Variants in GSE1 observed in about 807,000 individuals in gnomAD.
The protein encoded by GSE1 is Gse1 coiled-coil protein.
GSE1 carries 32 observed loss-of-function variants against 112.6 expected under a neutral mutation model. The observed-to-expected ratio is 0.28, with a 90% CI of 0.21 to 0.38. The LOEUF (loss-of-function observed/expected upper bound fraction) is 0.38, where lower values mean the gene tolerates loss of function less well. GSE1 is among the 10% of genes least tolerant of loss of function. GSE1 has a pLI of 1.00. For synonymous variants in GSE1, 1,115 were observed against 735.6 expected (o/e 1.52, Z -8.35); for missense variants, 2,348 against 1,699.2 (o/e 1.38, Z -6.71).
At chr16:85,441,756 G>T (rs184212432) in intron 2 of GSE1, among the ~76,000 whole-genome samples, 1 of 152,204 alleles carries the variant, frequency 6.6e-6, no homozygotes, top group Non-Finnish European at 1.5e-5. Flanking sequence ...AAGGATCAGA[G>T]AAAGACACCA....
chr16:85,328,514 C>CG (rs1193433924), intron 1 of GSE1, among the ~76,000 whole-genome samples: 3 of 152,206 alleles, frequency 2.0e-5, no homozygotes, highest in Non-Finnish European at 4.4e-5. Flanking sequence ...AGCCGACTGG[C>CG]GGGCTATTCA....
chr16:85,263,725 A>G (rs1482978997), intron 1 of GSE1, among the ~76,000 whole-genome samples: 1 of 152,094 alleles, frequency 6.6e-6, no homozygotes, highest in Non-Finnish European at 1.5e-5. Context: ...GGTGTGGGAC[A>G]CCACACCCAG....
chr16:85,380,769 G>A (rs527458426), intron 2 of GSE1, among the ~76,000 whole-genome samples: 19 of 152,214 alleles, frequency 1.2e-4, no homozygotes, highest in African/African-American at 4.3e-4. Context: ...ATCCAGCCTC[G>A]CAAACAGCCC....
At chr16:85,612,051 G>A (rs1474690907), upstream of GSE1, among the ~76,000 whole-genome samples, 3 of 152,086 alleles carry the variant, frequency 2.0e-5, no homozygotes, top group Non-Finnish European at 4.4e-5. Flanking sequence ...GGGCTCAGAA[G>A]TAGGGACGCG....
At chr16:85,412,985 G>A (rs2048615958) in intron 2 of GSE1, among the ~76,000 whole-genome samples, 1 of 152,236 alleles carries the variant, frequency 6.6e-6, no homozygotes, top group Non-Finnish European at 1.5e-5. Context: ...TCGGGTGCAG[G>A]TTATAATGCT....
At chr16:85,205,059 A>G (rs2143592664) in intron 1 of GSE1, among the ~76,000 whole-genome samples, 1 of 93,560 alleles carries the variant, frequency 1.1e-5, no homozygotes, top group African/African-American at 4.9e-5. Flanking sequence ...GTCTTGGCTC[A>G]CTGGATCTCC....
chr16:85,617,296 T>G (rs747713087), intron 1 of GSE1, among the ~76,000 whole-genome samples: 2 of 152,166 alleles, frequency 1.3e-5, no homozygotes, highest in Non-Finnish European at 2.9e-5. Context: ...AGGAAGGAGC[T>G]GTAGATGAGG....
Position 85,657,518 on chromosome 16 carries a change from C to T in GSE1, c.1554C>T (p.Phe518=). 1.9e-6 allele frequency: 3 copies of T among 1,605,062 alleles called. No individual in the cohort carries two copies. The highest frequency in any genetic ancestry group is 2.6e-6 in the Non-Finnish European group (3 of 1,176,298). Residue 518 remains phenylalanine, a synonymous_variant, in exon 8 of 16, where the codon TTC becomes TTT. Coordinates refer to ENST00000253458, the MANE Select transcript of GSE1 (RefSeq NM_014615.5). ...KEDRQSQVSE[F]RQQVLEQHLD... ...ACCGGCAGTCTCAGGTGTCCGAGTT[C>T]CGGCAGCAGGTGCTGGAGCAGCACC... is the stretch of plus-strand genomic sequence containing the variant.
intron 1 of GSE1, among the ~76,000 whole-genome samples, chr16:85,578,916 T>C (rs1417142241): frequency 6.6e-6 from 1 of 151,920 alleles, no homozygotes; most frequent in Non-Finnish European, 1.5e-5. Context: ...TCAACTGGAC[T>C]GTAAGCTCCC....
intron 1 of GSE1, among the ~76,000 whole-genome samples, chr16:85,256,361 C>T (rs1434024812): frequency 6.6e-6 from 1 of 152,254 alleles, no homozygotes; most frequent in Non-Finnish European, 1.5e-5. Flanking sequence ...AAAATGACAA[C>T]AGTCAGCACT....
At chr16:85,580,135 G>A (rs2046389116) in intron 1 of GSE1, 1 of 152,326 alleles carries the variant, frequency 6.6e-6, no homozygotes, top group African/African-American at 2.4e-5. Context: ...GGCAGGCCAT[G>A]TGAAGAGAAC....
intron 2 of GSE1, among the ~76,000 whole-genome samples, chr16:85,449,243 C>T (rs943369226): frequency 1.3e-5 from 2 of 152,324 alleles, no homozygotes; most frequent in African/African-American, 4.8e-5. Context: ...GGGGCCCCAC[C>T]GCGCACCACA....
intron 1 of GSE1, among the ~76,000 whole-genome samples, chr16:85,273,802 G>A (rs1909087483): frequency 6.6e-6 from 1 of 151,824 alleles, no homozygotes; most frequent in South Asian, 2.1e-4. Context: ...TGATTCTCCT[G>A]CCTCAGACTC....
intron 1 of GSE1, among the ~76,000 whole-genome samples, chr16:85,294,610 C>CCTCTCCCTCT (rs1199580682): frequency 1.2e-5 from 1 of 83,136 alleles, no homozygotes; most frequent in African/African-American, 5.2e-5. Context: ...TGCCAGCACG[C>CCTCTCCCTCT]CTCTCACTCT....
At chr16:85,206,014 T>C (rs1451035538) in intron 1 of GSE1, among the ~76,000 whole-genome samples, 2 of 151,976 alleles carry the variant, frequency 1.3e-5, no homozygotes, top group Non-Finnish European at 1.5e-5. Flanking sequence ...CACAAACAAA[T>C]GTCAGCGTGC....
intron 2 of GSE1, among the ~76,000 whole-genome samples, chr16:85,381,140 T>A (rs1433523787): frequency 6.6e-6 from 1 of 152,184 alleles, no homozygotes; most frequent in Non-Finnish European, 1.5e-5. Context: ...CTGGCAACCA[T>A]CGATCTACTT....
At chr16:85,524,754 A>G (rs1029554494) in intron 2 of GSE1, among the ~76,000 whole-genome samples, 2 of 152,110 alleles carry the variant, frequency 1.3e-5, no homozygotes, top group Non-Finnish European at 2.9e-5. Flanking sequence ...CCCGAGGGGC[A>G]TCTGATGGCC....
Position 85,528,312 on chromosome 16 carries a change from TTTTGTTTGTTTG to T in GSE1, c.2465-105586_2465-105575del, listed in dbSNP as rs147087232. ...GCAGGGCAGGGATGGCTGGGGTTGT[TTTTGTTTGTTTG>T]TTTGTTTGTTTGTTTTGAGTTGGAG... is the stretch of plus-strand genomic sequence containing the variant. On this transcript the variant is annotated intron_variant, in intron 2 of 2. Transcript: ENST00000637419. Among the ~76,000 whole-genome samples, 468 of 151,630 alleles carry T rather than the reference TTTTGTTTGTTTG, an allele frequency of 3.1e-3. 6 individuals carry two copies. Among genetic ancestry groups the T allele is most frequent in the Non-Finnish European group, 5.2e-3 (350 of 67,876 alleles).
At chr16:85,485,597 A>C (rs186003411) in intron 2 of GSE1, among the ~76,000 whole-genome samples, 1 of 152,218 alleles carries the variant, frequency 6.6e-6, no homozygotes, top group African/African-American at 2.4e-5. Flanking sequence ...GATTACAGCT[A>C]ATGAGCCTGC....
Sources: allele counts gnomAD v4.1 joint callset (sites outside exome capture counted in the v4.1 genomes callset), GRCh38; gene constraint gnomAD v4.1.1; transcripts MANE v1.5; gene names NCBI Gene and HGNC (gene_info 2026-07-23, HGNC 2026-07-21).